The following PELI2 variants were observed in gnomAD, a reference collection of about 807,000 sequenced individuals.
The protein encoded by PELI2 is E3 ubiquitin-protein ligase pellino homolog 2.
Under a neutral mutation model 42.3 loss-of-function variants are expected in PELI2, and 23 were observed. The observed-to-expected ratio is 0.54, with a 90% CI of 0.39 to 0.77. The LOEUF is 0.77. Ranked by LOEUF, PELI2 falls within the 30% of genes least tolerant of loss-of-function variation. The pLI, the probability that PELI2 is intolerant of heterozygous loss-of-function variation, is 0.00. For missense variants in PELI2, 463 were observed against 553.2 expected (o/e 0.84, Z 1.64); for synonymous variants, 245 against 212.2 (o/e 1.15, Z -1.34).
chr14:56,183,400 C>T (rs1389867448), intron 2 of PELI2, among the ~76,000 whole-genome samples: 5 of 151,804 alleles, frequency 3.3e-5, no homozygotes, highest in Admixed American at 6.6e-5. Flanking sequence ...ATAACAACAT[C>T]GAAAAACATT....
At chr14:56,157,707 G>C (rs1250828373) in intron 1 of PELI2, among the ~76,000 whole-genome samples, 1 of 152,182 alleles carries the variant, frequency 6.6e-6, no homozygotes, top group Non-Finnish European at 1.5e-5. Context: ...TGGCATGTAT[G>C]TATTTCCAGG....
chr14:56,290,252 G>T lies in PELI2; in HGVS notation c.508-16G>T. ...CATCTTAACCTACTTTTTCTGTTCT[G>T]CTGTGTTCTCTCCAGGAAAAGGCAG... On this transcript the variant is annotated splice_polypyrimidine_tract_variant and intron_variant, in intron 4 of 5. Coordinates refer to ENST00000267460, the MANE Select transcript of PELI2 (RefSeq NM_021255.3). 1.3e-6 allele frequency: 2 copies of T among 1,531,946 alleles called. No individual in the cohort carries two copies. Among genetic ancestry groups the T allele is most frequent in the South Asian group, 1.3e-5 (1 of 78,450 alleles). The allele number at this position is 1,531,946 out of a possible 1,614,324, so 94.9% of individuals were successfully genotyped here.
rs548084384 is a variant in PELI2, at chr14:56,130,309, A to C, written c.77+11572A>C. 1.1e-4 allele frequency among the ~76,000 whole-genome samples: 16 copies of C among 152,266 alleles called. 1 individual carries two copies. In the South Asian group the frequency reaches 3.3e-3, roughly 32 times the overall value. On this transcript the variant is annotated intron_variant, in intron 1 of 5. Transcript: ENST00000267460. The stretch of plus-strand genomic sequence containing the variant: ...ACTCATCATTTTATGCATGAAACTG[A>C]GTCGTGATGCTTGAGAAGCTTGTTC...
At chr14:56,119,562 T>C (rs1033639056) in intron 1 of PELI2, among the ~76,000 whole-genome samples, 1 of 152,244 alleles carries the variant, frequency 6.6e-6, no homozygotes, top group Non-Finnish European at 1.5e-5. Context: ...ATAGTAATTA[T>C]GTACAATCGT....
intron 1 of PELI2, among the ~76,000 whole-genome samples, chr14:56,170,099 A>C (rs1013067030): frequency 2.0e-5 from 3 of 152,134 alleles, no homozygotes; most frequent in South Asian, 4.1e-4. Context: ...GTTCATCTGC[A>C]GTGTACAGTC....
At chr14:56,127,156 A>T (rs976653191) in intron 1 of PELI2, among the ~76,000 whole-genome samples, 1 of 152,132 alleles carries the variant, frequency 6.6e-6, no homozygotes, top group African/African-American at 2.4e-5. Context: ...ATATTATCTG[A>T]AATTTGTTGA....
chr14:56,181,837 G>A (rs973111295), intron 2 of PELI2, among the ~76,000 whole-genome samples: 1 of 137,076 alleles, frequency 7.3e-6, no homozygotes, highest in East Asian at 2.2e-4. Context: ...CTCTGATTAT[G>A]TAATGTGTGT....
intron 3 of PELI2, among the ~76,000 whole-genome samples, chr14:56,283,913 AT>A (rs1889565367): frequency 6.6e-6 from 1 of 152,276 alleles, no homozygotes; most frequent in African/African-American, 2.4e-5. Context: ...GCTTGTTTCC[AT>A]TTTTTCCTCC....
intron 2 of PELI2, among the ~76,000 whole-genome samples, chr14:56,226,075 G>GAAA (rs34366845): frequency 6.7e-6 from 1 of 149,228 alleles, no homozygotes; most frequent in Non-Finnish European, 1.5e-5. Context: ...TACCAAACAG[G>GAAA]AAAAAAAAAA....
chr14:56,124,161 C>G (rs536424746), intron 1 of PELI2, among the ~76,000 whole-genome samples: 32 of 152,304 alleles, frequency 2.1e-4, no homozygotes, highest in African/African-American at 7.7e-4. Context: ...ATAATAAGAG[C>G]AGAAAGTGCT....
intron 2 of PELI2, among the ~76,000 whole-genome samples, chr14:56,269,181 C>T (rs1228521032): frequency 6.6e-6 from 1 of 152,092 alleles, no homozygotes; most frequent in Non-Finnish European, 1.5e-5. Flanking sequence ...TGGCTCACAC[C>T]TATAGTCCCG....
At chr14:56,278,777 C>T (rs1889382592) in intron 2 of PELI2, among the ~76,000 whole-genome samples, 1 of 152,096 alleles carries the variant, frequency 6.6e-6, no homozygotes, top group African/African-American at 2.4e-5. Flanking sequence ...CATACAGTGT[C>T]ATCATTCAAT....
intron 1 of PELI2, among the ~76,000 whole-genome samples, chr14:56,150,070 GCTTGCTACCTT>G (rs1268663340): frequency 6.6e-6 from 1 of 152,156 alleles, no homozygotes; most frequent in Non-Finnish European, 1.5e-5. Flanking sequence ...CTTTAGTTAT[GCTTGCTACCTT>G]CCCTCTCAGG....
intron 2 of PELI2, among the ~76,000 whole-genome samples, chr14:56,196,994 C>CT (rs1206061817): frequency 3.9e-5 from 6 of 152,092 alleles, no homozygotes; most frequent in South Asian, 2.1e-4. Flanking sequence ...TTTTCAGATA[C>CT]TTTAAGTATT....
intron 1 of PELI2, among the ~76,000 whole-genome samples, chr14:56,138,610 G>GA (rs1291472243): frequency 6.6e-6 from 1 of 152,102 alleles, no homozygotes; most frequent in Non-Finnish European, 1.5e-5. Flanking sequence ...GTACACTTAA[G>GA]AAAAAGTCAG....
At chr14:56,163,748 A>G (rs1020864711) in intron 1 of PELI2, among the ~76,000 whole-genome samples, 1 of 151,536 alleles carries the variant, frequency 6.6e-6, no homozygotes, top group Non-Finnish European at 1.5e-5. Flanking sequence ...CTTCAGTGTT[A>G]TGCAGTTTTC....
intron 1 of PELI2, among the ~76,000 whole-genome samples, chr14:56,121,114 C>T (rs1273543398): frequency 6.6e-6 from 1 of 151,982 alleles, no homozygotes; most frequent in East Asian, 1.9e-4. Context: ...TTTATGTCCT[C>T]TGGGGTATAA....
chr14:56,125,543 T>C (rs188340967), intron 1 of PELI2, among the ~76,000 whole-genome samples: 21 of 152,248 alleles, frequency 1.4e-4, no homozygotes, highest in African/African-American at 5.1e-4. Flanking sequence ...CCCACTTCTT[T>C]CGGTTTTTAC....
At chr14:56,189,675 T>G (rs545557543) in intron 2 of PELI2, among the ~76,000 whole-genome samples, 28 of 152,372 alleles carry the variant, frequency 1.8e-4, no homozygotes, top group Admixed American at 1.5e-3. Context: ...AGGTGTAGGA[T>G]ATGATGAAAC....
Sources: allele counts gnomAD v4.1 joint callset (sites outside exome capture counted in the v4.1 genomes callset), GRCh38; gene constraint gnomAD v4.1.1; transcripts MANE v1.5; gene names NCBI Gene and HGNC (gene_info 2026-07-23, HGNC 2026-07-21).